The following AFF3 variants were observed in gnomAD, a reference collection of about 807,000 sequenced individuals.
AFF3 encodes the protein ALF transcription elongation factor 3, also known as AF4/FMR2 family member 3.
In AFF3, 32 loss-of-function variants were observed where a neutral mutation model predicts 129.7. That is an observed-to-expected ratio of 0.25 (90% CI 0.19 to 0.33). The LOEUF is 0.33. Among genes scored for constraint, AFF3 ranks in the 10% least tolerant of loss-of-function variants. The pLI, the probability that AFF3 is intolerant of heterozygous loss-of-function variation, is 1.00. For missense variants in AFF3, 1,373 were observed against 1,592.0 expected (o/e 0.86, Z 2.34); for synonymous variants, 644 against 635.4 (o/e 1.01, Z -0.20).
chr2:99,583,971 G>A (rs1342390659), intron 16 of AFF3, among the ~76,000 whole-genome samples: 3 of 152,024 alleles, frequency 2.0e-5, no homozygotes, highest in Non-Finnish European at 2.9e-5. Flanking sequence ...CCAAAGTGCT[G>A]GGATTACAGG....
intron 7 of AFF3, among the ~76,000 whole-genome samples, chr2:99,943,774 TCTC>T (rs944287508): frequency 6.6e-5 from 10 of 152,218 alleles, no homozygotes; most frequent in African/African-American, 2.4e-4. Context: ...ATGTTCTTGG[TCTC>T]CTCTCTAACA....
At chr2:100,063,068 T>A (rs968976733) in intron 4 of AFF3, among the ~76,000 whole-genome samples, 4 of 151,940 alleles carry the variant, frequency 2.6e-5, no homozygotes, top group African/African-American at 9.7e-5. Context: ...CTGGCCAACA[T>A]GGTGAAACCC....
At chr2:99,973,850 G>A (rs983673585) in intron 7 of AFF3, among the ~76,000 whole-genome samples, 3 of 152,104 alleles carry the variant, frequency 2.0e-5, no homozygotes, top group African/African-American at 4.8e-5. Context: ...AGGGGTGCCC[G>A]GGGAGGGTTC....
At chr2:100,013,231 A>G (rs1043519686) in intron 4 of AFF3, among the ~76,000 whole-genome samples, 2 of 152,242 alleles carry the variant, frequency 1.3e-5, no homozygotes, top group Non-Finnish European at 2.9e-5. Flanking sequence ...ATAGACGTCT[A>G]AACATGAAAC....
intron 1 of AFF3, among the ~76,000 whole-genome samples, chr2:100,137,841 C>G (rs1692697396): frequency 6.6e-6 from 1 of 152,138 alleles, no homozygotes; most frequent in African/African-American, 2.4e-5. Context: ...AGAGTAGGAA[C>G]TGGGAAATAA....
At chr2:99,575,249 C>T (rs960147507) in intron 18 of AFF3, among the ~76,000 whole-genome samples, 6 of 151,780 alleles carry the variant, frequency 4.0e-5, no homozygotes, top group Non-Finnish European at 5.9e-5. Context: ...AAGGAAGAGA[C>T]GATGCCTATT....
intron 8 of AFF3, among the ~76,000 whole-genome samples, chr2:99,753,763 C>A (rs1007600652): frequency 6.6e-6 from 1 of 152,174 alleles, no homozygotes; most frequent in Non-Finnish European, 1.5e-5. Flanking sequence ...GTGGGTTAGG[C>A]ACATACGCAT....
intron 7 of AFF3, among the ~76,000 whole-genome samples, chr2:99,896,620 CTTTTTTTTTTTTTTTTTTT>C (rs35573862): frequency 2.2e-4 from 8 of 36,094 alleles, no homozygotes; most frequent in South Asian, 1.6e-3. Flanking sequence ...TGTCAAAATG[CTTTTTTTTTTTTTTTTTTT>C]TTTTTTTTTT....
intron 12 of AFF3, among the ~76,000 whole-genome samples, chr2:99,671,550 T>G (rs1251910545): frequency 1.4e-5 from 2 of 147,220 alleles, no homozygotes; most frequent in Non-Finnish European, 3.1e-5. Context: ...AACCTCTGCT[T>G]GTTCTCTCTG....
chr2:99,672,810 C>T (rs1687283362), intron 11 of AFF3, among the ~76,000 whole-genome samples: 2 of 152,182 alleles, frequency 1.3e-5, no homozygotes, highest in African/African-American at 4.8e-5. Context: ...TCACAACAGT[C>T]ATCAGCTAAG....
chr2:99,717,303 A>C (rs964892735), intron 11 of AFF3, among the ~76,000 whole-genome samples: 1 of 152,252 alleles, frequency 6.6e-6, no homozygotes, highest in Non-Finnish European at 1.5e-5. Flanking sequence ...AGAAACAAAC[A>C]GTTTTCAAAA....
chr2:99,602,146 T>C (rs1240691430), intron 13 of AFF3, among the ~76,000 whole-genome samples: 1 of 152,182 alleles, frequency 6.6e-6, no homozygotes, highest in Non-Finnish European at 1.5e-5. Context: ...TGCTGGAAGG[T>C]TCCAGAGACG....
At chr2:99,925,950 A>G (rs528750279) in intron 7 of AFF3, among the ~76,000 whole-genome samples, 1 of 152,372 alleles carries the variant, frequency 6.6e-6, no homozygotes, top group East Asian at 1.9e-4. Flanking sequence ...ATGTTGGGAT[A>G]TAAGCTGATG....
chr2:99,594,322 T>C, intron 14 of AFF3, 33 bp from the exon 15 acceptor site: 1 of 1,574,600 alleles, frequency 6.4e-7, no homozygotes, highest in Non-Finnish European at 8.6e-7. Context: ...AAACAAAACA[T>C]CTTTCATTAC....
chr2:99,934,571 A>G (rs1409701326), intron 7 of AFF3, among the ~76,000 whole-genome samples: 2 of 152,194 alleles, frequency 1.3e-5, no homozygotes, highest in Admixed American at 1.3e-4. Flanking sequence ...AATATCCCAC[A>G]AAACCTCTAA....
At chr2:99,716,582 C>CTATATA (rs150305524) in intron 11 of AFF3, among the ~76,000 whole-genome samples, 1,751 of 147,198 alleles carry the variant, frequency 0.012, 37 homozygotes, top group African/African-American at 0.041. Context: ...TGTCACATAA[C>CTATATA]TATATATATA....
At chr2:99,723,323 G>A (rs191305429) in intron 11 of AFF3, among the ~76,000 whole-genome samples, 3 of 152,296 alleles carry the variant, frequency 2.0e-5, no homozygotes, top group Admixed American at 2.0e-4. Flanking sequence ...CGTTTTTAAA[G>A]GAGGCCATGA....
chr2:99,693,551 G>A (rs193165228), intron 11 of AFF3, among the ~76,000 whole-genome samples: 193 of 152,184 alleles, frequency 1.3e-3, no homozygotes, highest in Non-Finnish European at 2.2e-3. Context: ...TGAAAGAGTT[G>A]ATGAGTATTA....
chr2:99,642,745 G>A (rs1462706295), intron 13 of AFF3, among the ~76,000 whole-genome samples: 4 of 152,196 alleles, frequency 2.6e-5, no homozygotes, highest in East Asian at 1.9e-4. Flanking sequence ...GAATCATACT[G>A]ACCAGGAGTC....
Sources: gnomAD v4.1 joint callset for allele counts (sites outside exome capture counted in the v4.1 genomes callset) on GRCh38, gnomAD v4.1.1 for gene constraint, MANE v1.5 for transcripts, NCBI Gene and HGNC (gene_info 2026-07-23, HGNC 2026-07-21) for gene names.